Variants in TSPAN9 observed in about 807,000 individuals in gnomAD.
TSPAN9 encodes the protein tetraspanin-9.
In TSPAN9, 16 loss-of-function variants were observed where a neutral mutation model predicts 31.0. The observed-to-expected ratio is 0.52, with a 90% CI of 0.35 to 0.78. The LOEUF (loss-of-function observed/expected upper bound fraction) is 0.78, where lower values mean the gene tolerates loss of function less well. Ranked by LOEUF, TSPAN9 falls within the 30% of genes least tolerant of loss-of-function variation. The pLI is 0.01. For synonymous variants in TSPAN9, 145 were observed against 121.6 expected (o/e 1.19, Z -1.27); for missense variants, 272 against 312.5 (o/e 0.87, Z 0.98).
intron 3 of TSPAN9, chr12:3,211,733 A>G: frequency 1.3e-6 from 2 of 1,597,334 alleles, no homozygotes; most frequent in Non-Finnish European, 1.7e-6. Context: ...CTGGCAGAGG[A>G]CAGTGGAGCA....
At chr12:3,250,329 T>C (rs1862224827) in intron 3 of TSPAN9, among the ~76,000 whole-genome samples, 1 of 152,252 alleles carries the variant, frequency 6.6e-6, no homozygotes, top group African/African-American at 2.4e-5. Flanking sequence ...TTTCAGGATC[T>C]GTTAGGCAGG....
intron 3 of TSPAN9, among the ~76,000 whole-genome samples, chr12:3,268,661 C>T (rs1373563337): frequency 6.3e-4 from 45 of 71,584 alleles, no homozygotes; most frequent in African/African-American, 2.5e-3. Flanking sequence ...GCCCTCCGTG[C>T]GTTCCTGCAG....
At position 3,283,392 on chromosome 12, in the gene TSPAN9, C is replaced by T. The variant is rs634076; in HGVS notation, c.*276C>T. The T allele has an allele frequency of 0.29, 110,981 of 384,418 alleles. 17,515 individuals are homozygous for T. Among genetic ancestry groups the T allele is most frequent in the Middle Eastern group, 0.45 (643 of 1,438 alleles). The allele number at this position is 384,418 out of a possible 1,614,324, so 23.8% of individuals were successfully genotyped here. Reference sequence around the variant, plus strand: ...CGACAGGGTGGGCTGGGGTGCGCTCCGGAGGAACCCCCGGCACTGATGGGC... The same window carrying T: ...CGACAGGGTGGGCTGGGGTGCGCTCTGGAGGAACCCCCGGCACTGATGGGC... On this transcript the variant is annotated 3_prime_UTR_variant, in exon 9 of 9. Coordinates refer to ENST00000011898, the MANE Select transcript of TSPAN9 (RefSeq NM_006675.5).
chr12:3,277,437 T>A (rs1591721650), intron 3 of TSPAN9, among the ~76,000 whole-genome samples: 3 of 152,312 alleles, frequency 2.0e-5, no homozygotes. Flanking sequence ...TTTTGCACTT[T>A]GATTGCTCCC....
chr12:3,224,824 C>T lies in TSPAN9; in HGVS notation c.63+23568C>T, dbSNP rs76960022. Among the ~76,000 whole-genome samples, 543 of 152,332 alleles carry T rather than the reference C, an allele frequency of 3.6e-3. 2 individuals carry two copies. Among genetic ancestry groups the T allele is most frequent in the African/African-American group, 0.012 (516 of 41,578 alleles). On this transcript the variant is annotated intron_variant, in intron 3 of 8. Transcript: ENST00000011898. Reference sequence around the variant, plus strand: ...TCAGCTTCGCTTCAGCAGTGCTCTTCCTGTCTGGTAAAAGCAGATTTGTGT... The same window carrying T: ...TCAGCTTCGCTTCAGCAGTGCTCTTTCTGTCTGGTAAAAGCAGATTTGTGT...
At chr12:3,096,668 C>T (rs2098309189) in intron 2 of TSPAN9, among the ~76,000 whole-genome samples, 1 of 151,690 alleles carries the variant, frequency 6.6e-6, no homozygotes, top group Admixed American at 6.6e-5. Flanking sequence ...TCAAACATTT[C>T]AGGAGAGGCA....
intron 2 of TSPAN9, among the ~76,000 whole-genome samples, chr12:3,164,278 AAAG>A (rs548807571): frequency 2.3e-4 from 35 of 152,340 alleles, no homozygotes; most frequent in South Asian, 1.2e-3. Context: ...ACAAAGCAGA[AAAG>A]AAGGTGATGC....
intron 2 of TSPAN9, among the ~76,000 whole-genome samples, chr12:3,112,676 CTTTTTTTTTTT>C (rs765040711): frequency 5.6e-5 from 5 of 88,502 alleles, no homozygotes; most frequent in Non-Finnish European, 1.1e-4. Context: ...TTTATTTTTG[CTTTTTTTTTTT>C]TTTTTTTTGG....
rs564051323 is a variant in TSPAN9, at chr12:3,251,001, C to T, written c.64-27420C>T. 3.3e-5 allele frequency among the ~76,000 whole-genome samples: 5 copies of T among 152,336 alleles called. No individual in the cohort carries two copies. The East Asian group carries it at 9.6e-4, about 29-fold the overall frequency. ...TCCTCCCGCTTCTGCCTTTCTTCCT[C>T]ATCTTTATCTTCTTCTTCCTCCCCC... On this transcript the variant is annotated intron_variant, in intron 3 of 8. Coordinates refer to ENST00000011898, the MANE Select transcript of TSPAN9 (RefSeq NM_006675.5).
chr12:3,092,543 A>C (rs10848796), intron 2 of TSPAN9, among the ~76,000 whole-genome samples: 39,300 of 152,068 alleles, frequency 0.26, 5,505 homozygotes, highest in East Asian at 0.43. Context: ...AGGCAGCAAG[A>C]CAAGTAGGAA....
chr12:3,191,743 AG>A (rs376572682), intron 2 of TSPAN9, among the ~76,000 whole-genome samples: 40 of 152,278 alleles, frequency 2.6e-4, no homozygotes, highest in African/African-American at 9.4e-4. Context: ...TAAAGCAGTG[AG>A]GGAGACATAG....
chr12:3,122,991 G>C (rs1446413312), intron 2 of TSPAN9, among the ~76,000 whole-genome samples: 1 of 152,174 alleles, frequency 6.6e-6, no homozygotes, highest in Non-Finnish European at 1.5e-5. Flanking sequence ...GTTGGTCAGG[G>C]GTCCCTGGGG....
chr12:3,103,220 C>T (rs952888732), intron 2 of TSPAN9, among the ~76,000 whole-genome samples: 1 of 152,240 alleles, frequency 6.6e-6, no homozygotes, highest in Admixed American at 6.5e-5. Flanking sequence ...TCACCAGTTC[C>T]TGCCTCAGAA....
intron 3 of TSPAN9, among the ~76,000 whole-genome samples, chr12:3,245,376 A>C (rs1368442638): frequency 6.6e-6 from 1 of 152,214 alleles, no homozygotes; most frequent in Non-Finnish European, 1.5e-5. Flanking sequence ...TGGAAAGGGA[A>C]GGCTGACTCT....
intron 3 of TSPAN9, among the ~76,000 whole-genome samples, chr12:3,260,155 G>A (rs1204863917): frequency 6.6e-6 from 1 of 152,254 alleles, no homozygotes; most frequent in Non-Finnish European, 1.5e-5. Context: ...TCCGCTCAAC[G>A]GGAGTCAGAT....
intron 3 of TSPAN9, among the ~76,000 whole-genome samples, chr12:3,251,917 C>T (rs1253513882): frequency 6.6e-6 from 1 of 152,212 alleles, no homozygotes; most frequent in Non-Finnish European, 1.5e-5. Context: ...CAGCCCCTGC[C>T]TGAAGCAGAG....
chr12:3,183,088 C>T (rs1218505895), intron 2 of TSPAN9, among the ~76,000 whole-genome samples: 1 of 152,180 alleles, frequency 6.6e-6, no homozygotes, highest in Non-Finnish European at 1.5e-5. Flanking sequence ...GCTGATGACA[C>T]ATGCAAGTAG....
At chr12:3,273,992 C>G (rs1021328021) in intron 3 of TSPAN9, among the ~76,000 whole-genome samples, 3 of 152,178 alleles carry the variant, frequency 2.0e-5, no homozygotes, top group African/African-American at 7.2e-5. Flanking sequence ...AATGGCTGTT[C>G]TCAAGATGTT....
intron 3 of TSPAN9, among the ~76,000 whole-genome samples, chr12:3,222,571 C>G (rs1435037361): frequency 6.6e-6 from 1 of 152,196 alleles, no homozygotes; most frequent in Non-Finnish European, 1.5e-5. Flanking sequence ...CCGGCTGCCT[C>G]TCTGGATGCT....
Sources: allele counts gnomAD v4.1 joint callset (sites outside exome capture counted in the v4.1 genomes callset), GRCh38; gene constraint gnomAD v4.1.1; transcripts MANE v1.5; gene names NCBI Gene and HGNC (gene_info 2026-07-23, HGNC 2026-07-21).